Variants in CXCL13 observed in about 807,000 individuals in gnomAD.
CXCL13 encodes the protein C-X-C motif chemokine 13.
In CXCL13, 7 loss-of-function variants were observed where a neutral mutation model predicts 12.2. The observed-to-expected ratio is 0.57, with a 90% CI of 0.33 to 1.07. CXCL13 has a LOEUF of 1.07. CXCL13 is among the 50% of genes least tolerant of loss of function. The pLI, the probability that CXCL13 is intolerant of heterozygous loss-of-function variation, is 0.04. For synonymous variants in CXCL13, 47 were observed against 42.4 expected, an observed-to-expected ratio of 1.11 and a Z score of -0.42; for missense variants, 113 against 127.4, an observed-to-expected ratio of 0.89 and a Z score of 0.55.
intron 1 of CXCL13, among the ~76,000 whole-genome samples, chr4:77,519,115 T>C (rs1724507122): frequency 6.6e-6 from 1 of 152,206 alleles, no homozygotes; most frequent in Non-Finnish European, 1.5e-5. Context: ...TGGTTTTTTG[T>C]GAACCGTGAA....
intron 1 of CXCL13, among the ~76,000 whole-genome samples, chr4:77,517,899 G>T (rs1364797517): frequency 6.6e-6 from 1 of 152,154 alleles, no homozygotes; most frequent in Non-Finnish European, 1.5e-5. Context: ...TTTCTTTTTA[G>T]TCTCAATGGT....
chr4:77,523,964 G>T (rs372542414), intron 1 of CXCL13, among the ~76,000 whole-genome samples: 1 of 152,156 alleles, frequency 6.6e-6, no homozygotes, highest in Admixed American at 6.5e-5. Flanking sequence ...TAACAGTCAG[G>T]TCCCTCAGCT....
At chr4:77,563,877 A>G (rs1725868855) in intron 1 of CXCL13, among the ~76,000 whole-genome samples, 1 of 152,184 alleles carries the variant, frequency 6.6e-6, no homozygotes. Flanking sequence ...ATCTTCATGT[A>G]TAAAAGTGAG....
intron 1 of CXCL13, among the ~76,000 whole-genome samples, chr4:77,536,864 AG>A (rs1725069897): frequency 6.6e-6 from 1 of 152,082 alleles, no homozygotes; most frequent in South Asian, 2.1e-4. Context: ...GTAGGTAAGA[AG>A]GAAAAAAAGC....
chr4:77,525,048 G>C (rs1724726127), intron 1 of CXCL13, among the ~76,000 whole-genome samples: 1 of 152,198 alleles, frequency 6.6e-6, no homozygotes, highest in Non-Finnish European at 1.5e-5. Context: ...GATTAGTGTA[G>C]TTATCACAGG....
At position 77,589,383 on chromosome 4, in the gene CXCL13, C is replaced by T. The variant is rs560264832; in HGVS notation, c.-42-16441C>T. On this transcript the variant is annotated intron_variant, in intron 1 of 4. Transcript: ENST00000286758. ...TTCTTGGTTATTAGAGCTACTGTCT[C>T]GGTATCACAGTGCTTGTGTTCAAGT... 1.7e-4 allele frequency among the ~76,000 whole-genome samples: 26 copies of T among 152,180 alleles called. No individual in the cohort carries two copies. The South Asian group carries it at 5.2e-3, about 30-fold the overall frequency.
chr4:77,573,739 CA>C (rs1264090800), intron 1 of CXCL13, among the ~76,000 whole-genome samples: 6 of 151,930 alleles, frequency 3.9e-5, no homozygotes, highest in Admixed American at 3.3e-4. Context: ...TTTGCTTTTT[CA>C]TGATGGTGGC....
chr4:77,605,325 A>T (rs550223663), upstream of CXCL13, among the ~76,000 whole-genome samples: 8 of 152,336 alleles, frequency 5.3e-5, no homozygotes, highest in African/African-American at 1.9e-4. Context: ...TAGCATAATC[A>T]GCGTTAGGAT....
chr4:77,605,280 A>C (rs931305749), upstream of CXCL13, among the ~76,000 whole-genome samples: 5 of 152,326 alleles, frequency 3.3e-5, no homozygotes, highest in African/African-American at 1.2e-4. Context: ...TCAGATAGCA[A>C]AATAAGAGAT....
intron 1 of CXCL13, among the ~76,000 whole-genome samples, chr4:77,596,497 A>G (rs1726751686): frequency 6.6e-6 from 1 of 152,086 alleles, no homozygotes; most frequent in African/African-American, 2.4e-5. Context: ...TGAAATCAAT[A>G]CCTTGGGCTG....
At chr4:77,570,731 C>T (rs896755544) in intron 1 of CXCL13, among the ~76,000 whole-genome samples, 1 of 152,122 alleles carries the variant, frequency 6.6e-6, no homozygotes, top group African/African-American at 2.4e-5. Flanking sequence ...TCTGGGTGGG[C>T]GTGGGCTTGG....
rs373180834 is a variant in CXCL13, at chr4:77,561,929, T to C, written c.-42-43895T>C. Among the ~76,000 whole-genome samples the C allele has an allele frequency of 5.1e-4, 77 of 152,224 alleles. 1 individual carries two copies. The South Asian group carries it at 8.3e-3, about 16-fold the overall frequency. ...GAACCTGGGCTGCGCCCAGTGCTTGTGGGCCAGCACAAGTTCTGGGTGGGT... is the reference window on the plus strand; with the variant it reads ...GAACCTGGGCTGCGCCCAGTGCTTGCGGGCCAGCACAAGTTCTGGGTGGGT... On this transcript the variant is annotated intron_variant, in intron 1 of 4. Coordinates refer to the CXCL13 transcript ENST00000286758.
chr4:77,530,753 G>GT lies in CXCL13; in HGVS notation c.-43+18971dup, dbSNP rs1170374414. Among the ~76,000 whole-genome samples the GT allele has an allele frequency of 5.3e-5, 8 of 151,956 alleles. No homozygotes were observed. In the South Asian group the frequency reaches 8.3e-4, roughly 16 times the overall value. On this transcript the variant is annotated intron_variant, in intron 1 of 4. Coordinates refer to the CXCL13 transcript ENST00000286758. ...CCTGGATTCATTGATTTTTTGAAGG[G>GT]TTTTTTGTGTCTCTATTTCCTTCAG...
chr4:77,554,831 T>C (rs1209743610), intron 1 of CXCL13, among the ~76,000 whole-genome samples: 1 of 152,124 alleles, frequency 6.6e-6, no homozygotes, highest in Non-Finnish European at 1.5e-5. Flanking sequence ...TCTCTAATCA[T>C]GTATTATAGA....
intron 1 of CXCL13, among the ~76,000 whole-genome samples, chr4:77,584,765 C>T (rs989828357): frequency 4.6e-5 from 7 of 152,216 alleles, no homozygotes; most frequent in Non-Finnish European, 8.8e-5. Flanking sequence ...AAAGTCCAGT[C>T]AAGGGCTTCT....
intron 1 of CXCL13, among the ~76,000 whole-genome samples, chr4:77,568,630 C>T (rs1725992961): frequency 6.6e-6 from 1 of 152,122 alleles, no homozygotes; most frequent in African/African-American, 2.4e-5. Context: ...TCTCGTGCCT[C>T]TGGTGTTTGC....
intron 1 of CXCL13, among the ~76,000 whole-genome samples, chr4:77,516,373 G>T (rs1724420308): frequency 6.6e-6 from 1 of 152,184 alleles, no homozygotes; most frequent in African/African-American, 2.4e-5. Context: ...AATAGTTTCA[G>T]AAGGAATGGT....
chr4:77,600,117 A>T (rs1726855692), intron 1 of CXCL13, among the ~76,000 whole-genome samples: 1 of 152,000 alleles, frequency 6.6e-6, no homozygotes, highest in Non-Finnish European at 1.5e-5. Flanking sequence ...CAGTTTGGGG[A>T]TAATATGATT....
At chr4:77,604,055 C>T (rs948369098), upstream of CXCL13, among the ~76,000 whole-genome samples, 3 of 152,186 alleles carry the variant, frequency 2.0e-5, no homozygotes, top group African/African-American at 7.2e-5. Flanking sequence ...ACTCAACTCT[C>T]TCTTAAAGAA....
Sources: allele counts gnomAD v4.1 joint callset (sites outside exome capture counted in the v4.1 genomes callset), GRCh38; gene constraint gnomAD v4.1.1; transcripts MANE v1.5; gene names NCBI Gene and HGNC (gene_info 2026-07-23, HGNC 2026-07-21).